Variants in TMEM74 observed in about 807,000 individuals in gnomAD.
TMEM74 encodes the protein transmembrane protein 74.
In TMEM74, 13 loss-of-function variants were observed where a neutral mutation model predicts 18.1. That is an observed-to-expected ratio of 0.72 (90% CI 0.47 to 1.14). TMEM74 has a LOEUF of 1.14. TMEM74 is among the 50% of genes most tolerant of loss of function. TMEM74 has a pLI of 0.00. For missense variants in TMEM74, 372 were observed against 375.9 expected (o/e 0.99, Z 0.09); for synonymous variants, 159 against 146.6 (o/e 1.08, Z -0.61).
intron 3 of TMEM74, among the ~76,000 whole-genome samples, chr8:108,608,100 G>A (rs770007789): frequency 1.3e-4 from 19 of 151,836 alleles, no homozygotes; most frequent in Admixed American, 8.5e-4. Flanking sequence ...TCATGATTTC[G>A]AGACCAGCCT....
chr8:108,654,627 G>A (rs750324924), intron 2 of TMEM74, among the ~76,000 whole-genome samples: 23 of 152,068 alleles, frequency 1.5e-4, no homozygotes, highest in Non-Finnish European at 2.4e-4. Flanking sequence ...ATGGTTTGGG[G>A]CCTCTGAAAG....
rs1451607218 is a variant in TMEM74 at position 108,782,778 on chromosome 8, A to C, written c.*1403T>G. ...AATGACCCCCTGATCCTGGTAACAC[A>C]ATCATGGAAGTTACAACAACTCTTA... is the stretch of plus-strand genomic sequence containing the variant. On this transcript the variant is annotated 3_prime_UTR_variant, in exon 2 of 2. Transcript: ENST00000297459. Among the ~76,000 whole-genome samples, 1 of 152,182 alleles carries C rather than the reference A, an allele frequency of 6.6e-6. No individual in the cohort carries two copies. The highest frequency in any genetic ancestry group is 2.4e-5 in the African/African-American group (1 of 41,450).
At chr8:108,675,079 C>T (rs1297582003) in intron 1 of TMEM74, among the ~76,000 whole-genome samples, 1 of 152,170 alleles carries the variant, frequency 6.6e-6, no homozygotes, top group East Asian at 1.9e-4. Context: ...GATCCCTTGC[C>T]TCCTGGATGA....
intron 2 of TMEM74, among the ~76,000 whole-genome samples, chr8:108,614,136 T>A (rs1268247185): frequency 1.3e-5 from 2 of 151,978 alleles, no homozygotes; most frequent in Non-Finnish European, 2.9e-5. Flanking sequence ...TAAGCTATTA[T>A]GCAATGTTAT....
At chr8:108,679,101 T>C (rs1167712449) in intron 1 of TMEM74, among the ~76,000 whole-genome samples, 3 of 152,150 alleles carry the variant, frequency 2.0e-5, no homozygotes, top group East Asian at 1.9e-4. Flanking sequence ...GGCTGCATAG[T>C]ATTCCATGGT....
chr8:108,625,917 C>T (rs776522264), intron 2 of TMEM74, among the ~76,000 whole-genome samples: 5 of 151,908 alleles, frequency 3.3e-5, no homozygotes, highest in Non-Finnish European at 7.4e-5. Context: ...CATAGTAGGT[C>T]AAGCAAACTT....
intron 2 of TMEM74, among the ~76,000 whole-genome samples, chr8:108,614,855 A>G (rs1563732524): frequency 6.7e-6 from 1 of 150,310 alleles, no homozygotes. Flanking sequence ...GAACAAAAAA[A>G]CAAACAAAAT....
intron 1 of TMEM74, among the ~76,000 whole-genome samples, chr8:108,748,526 C>T (rs1178835478): frequency 6.6e-6 from 1 of 151,840 alleles, no homozygotes; most frequent in Non-Finnish European, 1.5e-5. Context: ...TGTCTGTTTA[C>T]TCTGTTGATA....
intron 1 of TMEM74, among the ~76,000 whole-genome samples, chr8:108,708,825 A>AAAAAAAAAAAAAC: frequency 6.6e-6 from 1 of 150,498 alleles, no homozygotes; most frequent in African/African-American, 2.4e-5. Context: ...AAAAAAAAAA[A>AAAAAAAAAAAAAC]AAAAAAACCA....
intron 1 of TMEM74, among the ~76,000 whole-genome samples, chr8:108,723,999 G>A (rs888480103): frequency 9.2e-5 from 14 of 152,146 alleles, no homozygotes; most frequent in Non-Finnish European, 1.6e-4. Context: ...TTAACATGAT[G>A]AGGCATGATC....
intron 1 of TMEM74, among the ~76,000 whole-genome samples, chr8:108,772,173 G>T (rs1170355360): frequency 1.3e-5 from 2 of 152,026 alleles, no homozygotes; most frequent in Non-Finnish European, 2.9e-5. Context: ...TGTCCAGGTG[G>T]AATTCATTGT....
intron 1 of TMEM74, among the ~76,000 whole-genome samples, chr8:108,724,418 G>A (rs1298232611): frequency 6.6e-6 from 1 of 152,120 alleles, no homozygotes; most frequent in African/African-American, 2.4e-5. Flanking sequence ...AATCAAGTTG[G>A]ATTTTGTATG....
intron 2 of TMEM74, among the ~76,000 whole-genome samples, chr8:108,629,975 G>T (rs1039593468): frequency 6.6e-6 from 1 of 151,926 alleles, no homozygotes; most frequent in African/African-American, 2.4e-5. Flanking sequence ...ATCAAATTCA[G>T]ACATAACAAT....
chr8:108,684,775 G>A (rs1399505840), intron 1 of TMEM74, among the ~76,000 whole-genome samples: 2 of 150,902 alleles, frequency 1.3e-5, no homozygotes, highest in Non-Finnish European at 3.0e-5. Flanking sequence ...AGAGGCGGGG[G>A]GTTCTAAATT....
chr8:108,774,138 C>A (rs1054719261), downstream of TMEM74, among the ~76,000 whole-genome samples: 2 of 152,224 alleles, frequency 1.3e-5, no homozygotes, highest in South Asian at 2.1e-4. Context: ...AGTAGAAAAG[C>A]AAACATTAAA....
chr8:108,637,127 T>A (rs1001598250), intron 2 of TMEM74, among the ~76,000 whole-genome samples: 1 of 152,134 alleles, frequency 6.6e-6, no homozygotes, highest in African/African-American at 2.4e-5. Flanking sequence ...TTATATTCTC[T>A]AATTTGAGGG....
At chr8:108,755,020 C>T (rs986951064) in intron 1 of TMEM74, among the ~76,000 whole-genome samples, 1 of 152,042 alleles carries the variant, frequency 6.6e-6, no homozygotes, top group African/African-American at 2.4e-5. Context: ...ATGCAAGTCT[C>T]ATACAGAAAC....
intron 1 of TMEM74, among the ~76,000 whole-genome samples, chr8:108,665,904 A>G (rs1252792792): frequency 3.3e-5 from 5 of 152,218 alleles, no homozygotes; most frequent in Non-Finnish European, 4.4e-5. Flanking sequence ...CTGTTAATAT[A>G]TGAAAGACAG....
chr8:108,732,402 A>G (rs557680890), intron 1 of TMEM74, among the ~76,000 whole-genome samples: 9 of 152,294 alleles, frequency 5.9e-5, no homozygotes, highest in Non-Finnish European at 1.2e-4. Flanking sequence ...TAAGACTATA[A>G]AAAAGCTGTT....
Sources: allele counts gnomAD v4.1 joint callset (sites outside exome capture counted in the v4.1 genomes callset), GRCh38; gene constraint gnomAD v4.1.1; transcripts MANE v1.5; gene names NCBI Gene and HGNC (gene_info 2026-07-23, HGNC 2026-07-21).